FSIP2: variants seen among roughly 807,000 people sequenced by gnomAD.
FSIP2 encodes the protein fibrous sheath interacting protein 2.
In FSIP2, 367 loss-of-function variants were observed where a neutral mutation model predicts 510.5. The observed-to-expected ratio is 0.72, with a 90% confidence interval of 0.66 to 0.78. The LOEUF is 0.78. FSIP2 is among the 30% of genes least tolerant of loss of function. The pLI is 0.00. For synonymous variants in FSIP2, 2,601 were observed against 2,732.2 expected, an observed-to-expected ratio of 0.95 and a Z score of 1.50; for missense variants, 7,594 against 7,901.7, an observed-to-expected ratio of 0.96 and a Z score of 1.48.
At chr2:185,742,169 C>T (rs147205681) in intron 2 of FSIP2, among the ~76,000 whole-genome samples, 1 of 152,240 alleles carries the variant, frequency 6.6e-6, no homozygotes, top group African/African-American at 2.4e-5. Flanking sequence ...AAACTTAAAA[C>T]AGAAAGAAGA....
At position 185,795,999 on chromosome 2, in the gene FSIP2, A is replaced by C. The variant is rs758915253; in HGVS notation, c.8863A>C (p.Lys2955Gln). 6.5e-7 allele frequency: 1 copy of C among 1,534,184 alleles called. No homozygotes were observed. The highest frequency in any genetic ancestry group is 2.5e-5 in the East Asian group (1 of 40,804). Residue 2955 changes from lysine (K) to glutamine (Q), a missense_variant, in exon 16 of 23, where the codon AAA becomes CAA. Lys to Gln is a moderately conservative substitution (Grantham distance 53, BLOSUM62 1). Transcript: ENST00000424728. The part of the protein sequence containing the change: ...LSNSKEHITA[K>Q]SKYGFPNKHS... ...AAACAGTAAAGAACACATTACTGCT[A>C]AAAGTAAATATGGTTTTCCAAACAA...
Position 185,795,746 on chromosome 2 carries a change from A to G in FSIP2, c.8610A>G (p.Ser2870=). The part of the protein sequence containing the change: ...MIAENVLTEI[S]IKAKELEYSL... ...CTGAAAATGTTTTGACTGAAATTTC[A>G]ATAAAAGCAAAAGAATTAGAATATT... The change falls in exon 16 of 23, where the codon TCA becomes TCG. Residue 2870 remains serine, a synonymous_variant. Transcript: ENST00000424728. 6.5e-7 allele frequency: 1 copy of G among 1,533,090 alleles called. No homozygotes were observed. The allele number at this position is 1,533,090 out of a possible 1,614,324, so 95.0% of individuals were successfully genotyped here. A position where few individuals can be genotyped will look rare whatever the true frequency, so the allele number is the denominator to read the frequency against.
chr2:185,832,237 A>G lies in FSIP2; in HGVS notation c.20587+355A>G, dbSNP rs868098792. ...CAGCAGAGCTATGTTTCAAATCCCA[A>G]TCTCATGCAACATCATCATTGTCTA... On this transcript the variant is annotated intron_variant, in intron 22 of 22. Transcript: ENST00000424728. Among the ~76,000 whole-genome samples, 89 of 151,924 alleles carry G rather than the reference A, an allele frequency of 5.9e-4. 1 individual carries two copies. The highest frequency in any genetic ancestry group is 1.5e-3 in the Admixed American group (23 of 15,214).
At chr2:185,755,082 T>C (rs771407442) in intron 8 of FSIP2, among the ~76,000 whole-genome samples, 1 of 151,576 alleles carries the variant, frequency 6.6e-6, no homozygotes, top group Non-Finnish European at 1.5e-5. Flanking sequence ...ATCAAAATCC[T>C]ACAGTTCTTT....
intron 9 of FSIP2, among the ~76,000 whole-genome samples, chr2:185,757,017 A>C (rs1405670256): frequency 6.6e-6 from 1 of 151,350 alleles, no homozygotes; most frequent in Non-Finnish European, 1.5e-5. Context: ...AGAATCACTG[A>C]GGTTCAGTTA....
chr2:185,778,607 A>G (rs1692776574), intron 13 of FSIP2, among the ~76,000 whole-genome samples: 1 of 151,840 alleles, frequency 6.6e-6, no homozygotes, highest in Non-Finnish European at 1.5e-5. Context: ...TGAGAGTATG[A>G]TCTTTATGAT....
chr2:185,785,103 A>AATG (rs764039194), intron 14 of FSIP2, among the ~76,000 whole-genome samples: 69 of 152,188 alleles, frequency 4.5e-4, no homozygotes, highest in Non-Finnish European at 8.1e-4. Context: ...GTTTTGTGCC[A>AATG]ATGATATAAC....
upstream of FSIP2, among the ~76,000 whole-genome samples, chr2:185,737,334 A>G (rs1691803416): frequency 1.3e-5 from 2 of 152,232 alleles, no homozygotes. Flanking sequence ...CGCTGAGGGC[A>G]GTTGGGAGTT....
In FSIP2 at chr2:185,790,439, A is replaced by AAT. The variant is rs1693093505; in HGVS notation, c.3305_3306dup (p.Glu1103Ter). The AAT allele has an allele frequency of 9.1e-6, 14 of 1,533,160 alleles. No individual in the cohort carries two copies. The highest frequency in any genetic ancestry group is 1.2e-5 in the Non-Finnish European group (14 of 1,145,332). The allele number at this position is 1,533,160 out of a possible 1,614,324, so 95.0% of individuals were successfully genotyped here. On this transcript the variant is annotated frameshift_variant, in exon 16 of 23. Transcript: ENST00000424728. LOFTEE classifies it high-confidence loss of function. Reference sequence around the variant, plus strand: ...CTTTCAGCCAAGATCAAAAGCATCAAATAGAAAAGGCTTCAGAAAACATAG... The same window carrying AAT: ...CTTTCAGCCAAGATCAAAAGCATCAAATATAGAAAAGGCTTCAGAAAACATAG...
At chr2:185,774,872 A>T (rs202198858) in intron 13 of FSIP2, among the ~76,000 whole-genome samples, 1 of 59,410 alleles carries the variant, frequency 1.7e-5, no homozygotes, top group Non-Finnish European at 3.5e-5. Flanking sequence ...GAGAATGATG[A>T]TTTCCAATTT....
rs755846037 is a variant in FSIP2 at position 185,801,425 on chromosome 2, C to T, written c.12119C>T (p.Thr4040Ile). 4 of 1,533,880 alleles carry T rather than the reference C, an allele frequency of 2.6e-6. No homozygotes were observed. The highest frequency in any genetic ancestry group is 2.4e-5 in the South Asian group (2 of 83,982). Reference protein sequence around the residue: ...EERLCFPPVHTETVSKIVDSV... With the variant: ...EERLCFPPVHIETVSKIVDSV... ...AGGCTGTGTTTTCCACCAGTTCATA[C>T]AGAAACTGTTAGCAAAATTGTTGAC... Residue 4040 changes from threonine to isoleucine, a missense_variant, in exon 17 of 23, where the codon ACA becomes ATA. Transcript: ENST00000424728.
rs993154283 is a variant in FSIP2 at position 185,739,348 on chromosome 2, C to A, written c.102C>A (p.Gly34=). 1.3e-6 allele frequency: 2 copies of A among 1,527,824 alleles called. No individual in the cohort carries two copies. Among genetic ancestry groups the A allele is most frequent in the Non-Finnish European group, 8.7e-7 (1 of 1,143,814 alleles). The allele number at this position is 1,527,824 out of a possible 1,614,324, so 94.6% of individuals were successfully genotyped here. A position where few individuals can be genotyped will look rare whatever the true frequency, so the allele number is the denominator to read the frequency against. ...AACTCTCCAATTGTGTCTGACAGGG[C>A]GTGCACAAAACCCACTTTGCAGGGG... ...LAADTQQCRD[G]VHKTHFAGVG... Residue 34 remains glycine, a splice_region_variant and synonymous_variant, in exon 2 of 23, where the codon GGC becomes GGA. Transcript: ENST00000424728.
Position 185,831,823 on chromosome 2 carries a change from T to A in FSIP2, c.20528T>A (p.Ile6843Asn), listed in dbSNP as rs1479892348. Residue 6843 changes from isoleucine (I) to asparagine (N), a missense_variant, in exon 22 of 23, where the codon ATC (isoleucine) becomes AAC (asparagine). Physicochemically the swap from Ile to Asn is moderately radical, Grantham distance 149. Coordinates refer to ENST00000424728, the MANE Select transcript of FSIP2 (RefSeq NM_173651.4). ...AATTTACCTTGGCAGTTTATCACCA[T>A]CTTTGAAAGATCCAAGGATGTTCTT... ...EHGNSVKFIT[I>N]FERSKDVLGS... 1 of 1,607,918 alleles carries A rather than the reference T, an allele frequency of 6.2e-7. No homozygotes were observed. The highest frequency in any genetic ancestry group is 1.7e-5 in the Admixed American group (1 of 59,738).
chr2:185,781,910 T>A (rs965621088), intron 13 of FSIP2, among the ~76,000 whole-genome samples: 9 of 151,916 alleles, frequency 5.9e-5, no homozygotes, highest in Non-Finnish European at 8.8e-5. Context: ...CGATCTCGGC[T>A]CACTGCAAGC....
In FSIP2 at chr2:185,808,960, G is replaced by C. The variant is rs764513434; in HGVS notation, c.19654G>C (p.Glu6552Gln). ...AVISIKTQPL[E>Q]KLKQECLKRT... is the part of the protein sequence containing the mutation. ...TATTTCTATAAAAACTCAACCTCTT[G>C]AGAAACTTAAGCAGGAGTGTTTGAA... The change falls in exon 17 of 23, where the codon GAG (glutamate) becomes CAG (glutamine). Residue 6552 changes from glutamate (E) to glutamine (Q), a missense_variant. Glu to Gln is a conservative substitution (Grantham distance 29). Transcript: ENST00000424728. The C allele has an allele frequency of 6.2e-7, 1 of 1,609,908 alleles. No individual in the cohort carries two copies. The highest frequency in any genetic ancestry group is 1.7e-5 in the Admixed American group (1 of 59,184).
rs556201890 is a variant in FSIP2 at position 185,796,869 on chromosome 2, A to C, written c.9733A>C (p.Arg3245=). ...TACTAGAAACAAAGTACAAGACCAC[A>C]GACCAAGGGAATCTAACTTTGGTAG... is the stretch of plus-strand genomic sequence containing the variant. ...CSTRNKVQDH[R]PRESNFGSFD... is the part of the protein sequence containing the mutation. The change falls in exon 16 of 23, where the codon AGA becomes CGA. Residue 3245 remains arginine, a synonymous_variant. Transcript: ENST00000424728. 7.4e-4 allele frequency: 1,133 copies of C among 1,535,006 alleles called. No homozygotes were observed. Among genetic ancestry groups the C allele is most frequent in the Non-Finnish European group, 9.2e-4 (1,057 of 1,146,268 alleles).
chr2:185,771,856 T>C (rs1233040967), intron 13 of FSIP2, among the ~76,000 whole-genome samples: 1 of 152,198 alleles, frequency 6.6e-6, no homozygotes, highest in Admixed American at 6.5e-5. Context: ...TTTGCTTCCC[T>C]TTTAAATATA....
chr2:185,789,971 C>A lies in FSIP2; in HGVS notation c.2835C>A (p.Leu945=), dbSNP rs1241275094. 6.5e-7 allele frequency: 1 copy of A among 1,534,108 alleles called. No homozygotes were observed. Among genetic ancestry groups the A allele is most frequent in the Admixed American group, 2.0e-5 (1 of 50,826 alleles). ...TACTTGAGGACATCCTTTTTCAGCT[C>A]CATCAGGAACCAGTAAATGAAAGTT... is the stretch of plus-strand genomic sequence containing the variant. ...LQLLEDILFQ[L]HQEPVNESFQ... The change falls in exon 16 of 23, where the codon CTC becomes CTA. Residue 945 remains leucine (L), a synonymous_variant. Coordinates refer to ENST00000424728, the MANE Select transcript of FSIP2 (RefSeq NM_173651.4).
chr2:185,764,790 A>G (rs1315776831), intron 13 of FSIP2: 1 of 439,538 alleles, frequency 2.3e-6, no homozygotes, highest in East Asian at 3.7e-5. Flanking sequence ...AAGCTGGGAA[A>G]GTTATGGGAA....
Sources: allele counts gnomAD v4.1 joint callset (sites outside exome capture counted in the v4.1 genomes callset), GRCh38; gene constraint gnomAD v4.1.1; transcripts MANE v1.5; gene names NCBI Gene and HGNC (gene_info 2026-07-23, HGNC 2026-07-21).